The following NLRP5 variants were observed in gnomAD, a reference collection of about 807,000 sequenced individuals.
NLRP5 encodes NLR family pyrin domain containing 5, also known as NACHT, LRR and PYD domains-containing protein 5.
Under a neutral mutation model 113.1 loss-of-function variants are expected in NLRP5, and 93 were observed. The ratio of observed to expected loss-of-function variants is 0.82; its 90% confidence interval spans 0.70 to 0.98. The LOEUF (loss-of-function observed/expected upper bound fraction) is 0.98, where lower values mean the gene tolerates loss of function less well. Ranked by LOEUF, NLRP5 falls within the 50% of genes least tolerant of loss-of-function variation. NLRP5 has a pLI of 0.00. For synonymous variants in NLRP5, 751 were observed against 600.7 expected, an observed-to-expected ratio of 1.25 and a Z score of -3.66; for missense variants, 1,808 against 1,514.3, an observed-to-expected ratio of 1.19 and a Z score of -3.22.
At chr19:55,992,881 C>T in the NLRP5 span, among the ~76,000 whole-genome samples, 1 of 151,154 alleles carries the variant, frequency 6.6e-6, no homozygotes, top group East Asian at 1.9e-4. Context: ...TGAATTTTCG[C>T]TCTTGTTGCC....
intron 9 of NLRP5, among the ~76,000 whole-genome samples, chr19:56,036,058 C>CTTTTTTTTTTTTTTTATTTT (rs1983300205): frequency 1.3e-5 from 1 of 77,018 alleles, no homozygotes; most frequent in African/African-American, 5.7e-5. Flanking sequence ...AATTGAGATT[C>CTTTTTTTTTTTTTTTATTTT]TTTTTTTTTT....
intron 4 of NLRP5, among the ~76,000 whole-genome samples, chr19:56,017,484 T>G (rs975928024): frequency 3.9e-5 from 6 of 152,222 alleles, no homozygotes; most frequent in East Asian, 3.8e-4. Context: ...TTGTTTCCAC[T>G]CATTTCAAAG....
chr19:56,022,657 T>TTTTTTCTTTTTTTC (rs1982659496), intron 6 of NLRP5, among the ~76,000 whole-genome samples: 1 of 152,072 alleles, frequency 6.6e-6, no homozygotes, highest in East Asian at 1.9e-4. Context: ...AACACAACCT[T>TTTTTTCTTTTTTTC]TTTTTCTTGT....
intron 4 of NLRP5, 197 bp from the exon 5 acceptor site, chr19:56,019,145 C>T: frequency 1.6e-6 from 1 of 637,138 alleles, no homozygotes; most frequent in Non-Finnish European, 2.8e-6. Context: ...AGAAATGAGC[C>T]TGGGACCCTC....
chr19:56,050,654 G>C, intron 12 of NLRP5, 66 bp downstream of exon 12: 1 of 1,503,070 alleles, frequency 6.7e-7, no homozygotes, highest in Non-Finnish European at 9.1e-7. Flanking sequence ...GAAAGGTCAA[G>C]AGATAGGAGC....
chr19:56,058,364 C>T lies in NLRP5; in HGVS notation c.3424C>T (p.Leu1142=). The change falls in exon 14 of 15, where the codon CTG becomes TTG. Residue 1142 remains leucine (L), a synonymous_variant. Transcript: ENST00000390649. The stretch of plus-strand genomic sequence containing the variant: ...CTTCAGTCCCAAAGGAATGATGAAG[C>T]TGTGTTCGGCCTTTGCCTGTCCCAC... The T allele has an allele frequency of 6.2e-7, 1 of 1,614,006 alleles. No individual in the cohort carries two copies.
chr19:55,998,690 A>ATGTGTGTG (rs760041369), upstream of NLRP5, among the ~76,000 whole-genome samples: 9 of 56,270 alleles, frequency 1.6e-4, no homozygotes, highest in East Asian at 1.0e-3. Context: ...ATATATATAT[A>ATGTGTGTG]TATATATATA....
At chr19:56,033,801 AAAG>A (rs1296033946) in intron 9 of NLRP5, 92 bp downstream of exon 9, 2 of 1,135,106 alleles carry the variant, frequency 1.8e-6, no homozygotes, top group African/African-American at 1.6e-5. Flanking sequence ...AAAGAGCTGC[AAAG>A]ATGGAAAAGT....
chr19:56,061,388 C>T lies in NLRP5; in HGVS notation c.3471-8C>T, dbSNP rs780933315. On this transcript the variant is annotated splice_region_variant and splice_polypyrimidine_tract_variant and intron_variant, in intron 14 of 14. Coordinates refer to ENST00000390649, the MANE Select transcript of NLRP5 (RefSeq NM_153447.4). The stretch of plus-strand genomic sequence containing the variant: ...TCTCAGTAACGAGTCCTCTCTCTGC[C>T]TCCCCAGGCTGTGGAAATGGCAGTA... 1.2e-6 allele frequency: 2 copies of T among 1,612,522 alleles called. No homozygotes were observed. The highest frequency in any genetic ancestry group is 1.7e-6 in the Non-Finnish European group (2 of 1,179,168).
At chr19:56,014,323 C>CA (rs1187779738) in intron 3 of NLRP5, among the ~76,000 whole-genome samples, 2 of 151,766 alleles carry the variant, frequency 1.3e-5, no homozygotes, top group African/African-American at 4.8e-5. Context: ...TACTAAAATA[C>CA]AAAAAAATCC....
chr19:56,022,659 T>C (rs1599888142), intron 6 of NLRP5, among the ~76,000 whole-genome samples: 1 of 151,992 alleles, frequency 6.6e-6, no homozygotes, highest in Non-Finnish European at 1.5e-5. Context: ...CACAACCTTT[T>C]TTTCTTGTTA....
chr19:56,020,556 G>A (rs374202793), intron 6 of NLRP5, 125 bp downstream of exon 6: 70 of 1,079,442 alleles, frequency 6.5e-5, no homozygotes, highest in East Asian at 2.8e-4. Flanking sequence ...ATTTGTCTCT[G>A]GTGTCAACCC....
At chr19:56,061,325 C>G in intron 14 of NLRP5, 71 bp from the exon 15 acceptor site, 1 of 1,548,014 alleles carries the variant, frequency 6.5e-7, no homozygotes, top group Non-Finnish European at 8.8e-7. Flanking sequence ...ATGAGGCTAC[C>G]AGGAATTTTG....
At chr19:55,987,701 G>A in the NLRP5 span, 1 of 725,496 alleles carries the variant, frequency 1.4e-6, no homozygotes, top group East Asian at 2.7e-5. Context: ...AGAAAGGTGA[G>A]GTGGGAGGGG....
Position 56,056,474 on chromosome 19 carries a change from T to C in NLRP5, c.3300-1766T>C, listed in dbSNP as rs1163893821. 2.0e-5 allele frequency among the ~76,000 whole-genome samples: 3 copies of C among 152,226 alleles called. No individual in the cohort carries two copies. In the South Asian group the frequency reaches 6.2e-4, roughly 32 times the overall value. On this transcript the variant is annotated intron_variant, in intron 13 of 14. Coordinates refer to ENST00000390649, the MANE Select transcript of NLRP5 (RefSeq NM_153447.4). ...CAGGAGGCTGAGGCAGGAGAATCAC[T>C]GGAACCTGGGAGGCGGAGGTTGCAG...
intron 11 of NLRP5, among the ~76,000 whole-genome samples, chr19:56,045,489 G>A (rs1983688211): frequency 6.6e-6 from 1 of 152,008 alleles, no homozygotes; most frequent in Non-Finnish European, 1.5e-5. Context: ...ATGTATACAT[G>A]TGGCATGTTG....
At chr19:56,013,418 T>C (rs1426449215) in intron 3 of NLRP5, among the ~76,000 whole-genome samples, 1 of 151,886 alleles carries the variant, frequency 6.6e-6, no homozygotes, top group African/African-American at 2.4e-5. Context: ...TGTCTCGATA[T>C]CCTGACCTTG....
chr19:56,016,113 A>AT (rs879274203), intron 4 of NLRP5, among the ~76,000 whole-genome samples: 1 of 152,198 alleles, frequency 6.6e-6, no homozygotes, highest in Admixed American at 6.5e-5. Context: ...TAGTGTATCC[A>AT]TCACCTCAAA....
At chr19:56,016,740 C>T (rs12985904) in intron 4 of NLRP5, among the ~76,000 whole-genome samples, 36 of 152,280 alleles carry the variant, frequency 2.4e-4, no homozygotes, top group Non-Finnish European at 3.5e-4. Flanking sequence ...ATAATGTCCT[C>T]TAGGTTCCTC....
Sources: allele counts gnomAD v4.1 joint callset (sites outside exome capture counted in the v4.1 genomes callset), GRCh38; gene constraint gnomAD v4.1.1; transcripts MANE v1.5; gene names NCBI Gene and HGNC (gene_info 2026-07-23, HGNC 2026-07-21).